The following ENPP6 variants were observed in gnomAD, a reference collection of about 807,000 sequenced individuals.
The protein encoded by ENPP6 is ectonucleotide pyrophosphatase/phosphodiesterase 6.
ENPP6 carries 32 observed loss-of-function variants against 42.0 expected under a neutral mutation model. The observed-to-expected ratio is 0.76, with a 90% confidence interval of 0.58 to 1.02. The LOEUF is 1.02. ENPP6 is among the 50% of genes least tolerant of loss of function. The pLI, the probability that ENPP6 is intolerant of heterozygous loss-of-function variation, is 0.00. For synonymous variants in ENPP6, 213 were observed against 216.0 expected (o/e 0.99, Z 0.12); for missense variants, 552 against 566.8 (o/e 0.97, Z 0.27).
rs80349873 is a variant in ENPP6, at chr4:184,199,148, A to G, written c.241+18431T>C. Among the ~76,000 whole-genome samples the G allele has an allele frequency of 5.8e-4, 89 of 152,362 alleles. 4 individuals are homozygous for G. The East Asian group carries it at 0.017, about 29-fold the overall frequency. On this transcript the variant is annotated intron_variant, in intron 1 of 7. Transcript: ENST00000296741. ...ACGCTGCTTGGAACGTCTCAGGCTA[A>G]GTGACATGGCAGCATTTTCCAGGGG... is the stretch of plus-strand genomic sequence containing the variant.
chr4:184,192,270 A>T, intron 1 of ENPP6, among the ~76,000 whole-genome samples: 1 of 152,252 alleles, frequency 6.6e-6, no homozygotes, highest in East Asian at 1.9e-4. Context: ...CACCATAAGG[A>T]TACACCTAAA....
intron 1 of ENPP6, among the ~76,000 whole-genome samples, chr4:184,162,102 T>C (rs1046950185): frequency 6.6e-6 from 1 of 152,130 alleles, no homozygotes; most frequent in Admixed American, 6.5e-5. Flanking sequence ...GCATGGTTTT[T>C]TCCTGGCCAC....
At chr4:184,209,248 C>T (rs1244697791) in intron 1 of ENPP6, among the ~76,000 whole-genome samples, 4 of 151,150 alleles carry the variant, frequency 2.6e-5, no homozygotes, top group African/African-American at 4.9e-5. Context: ...ATGACTTTGA[C>T]GAGCTGAGAG....
chr4:184,198,267 A>G (rs1352123558), intron 1 of ENPP6, among the ~76,000 whole-genome samples: 1 of 152,212 alleles, frequency 6.6e-6, no homozygotes, highest in Non-Finnish European at 1.5e-5. Context: ...ACAAACACAA[A>G]TCAATGTCTT....
In ENPP6 at chr4:184,131,995, C is replaced by A. The variant is rs1736645057; in HGVS notation, c.422-7723G>T. ...TCTGAAGGCCTGAGAACCAGGAGAACTGAGAGCAGAAGATGGATGTCCCAG... is the reference window on the plus strand; with the variant it reads ...TCTGAAGGCCTGAGAACCAGGAGAAATGAGAGCAGAAGATGGATGTCCCAG... On this transcript the variant is annotated intron_variant, in intron 2 of 7. Transcript: ENST00000296741. 2.0e-5 allele frequency among the ~76,000 whole-genome samples: 3 copies of A among 152,088 alleles called. 1 individual carries two copies. Among genetic ancestry groups the A allele is most frequent in the Non-Finnish European group, 1.5e-5 (1 of 68,032 alleles).
chr4:184,137,550 GT>G (rs1736750293), intron 2 of ENPP6, among the ~76,000 whole-genome samples: 1 of 152,186 alleles, frequency 6.6e-6, no homozygotes, highest in Admixed American at 6.5e-5. Flanking sequence ...TTATCTTCCA[GT>G]GAGCACACAG....
At chr4:184,134,444 A>T (rs1736696038) in intron 2 of ENPP6, among the ~76,000 whole-genome samples, 2 of 151,914 alleles carry the variant, frequency 1.3e-5, no homozygotes, top group African/African-American at 4.8e-5. Flanking sequence ...CCAATTTTCT[A>T]TTTCTTTTTT....
intron 1 of ENPP6, among the ~76,000 whole-genome samples, chr4:184,194,084 G>A (rs537965487): frequency 1.3e-5 from 2 of 152,086 alleles, no homozygotes; most frequent in Non-Finnish European, 2.9e-5. Context: ...CACTGAATGT[G>A]AGCATGGTCC....
rs553965090 is a variant in ENPP6, at chr4:184,167,115, T to C, written c.242-13382A>G. ...TAAAAAAAAGCACATTTAGGATAGC[T>C]TTTCTTTCTTTATTTTTTGAGACAG... On this transcript the variant is annotated intron_variant, in intron 1 of 7. Transcript: ENST00000296741. 1.8e-3 allele frequency among the ~76,000 whole-genome samples: 269 copies of C among 152,294 alleles called. 3 individuals carry two copies. The highest frequency in any genetic ancestry group is 1.6e-4 in the Non-Finnish European group (11 of 68,012).
chr4:184,127,904 G>A (rs906244302), intron 2 of ENPP6, among the ~76,000 whole-genome samples: 4 of 152,192 alleles, frequency 2.6e-5, no homozygotes, highest in African/African-American at 9.7e-5. Context: ...AACAGAAATT[G>A]GGAGAGAGTG....
At chr4:184,201,926 A>C (rs1376023802) in intron 1 of ENPP6, among the ~76,000 whole-genome samples, 1 of 149,704 alleles carries the variant, frequency 6.7e-6, no homozygotes, top group Non-Finnish European at 1.5e-5. Context: ...AAATGTTGAC[A>C]AAAGTTAATT....
At chr4:184,200,390 T>C (rs4862337) in intron 1 of ENPP6, among the ~76,000 whole-genome samples, 122,917 of 152,054 alleles carry the variant, frequency 0.81, 50,284 homozygotes, top group East Asian at 0.98. Context: ...TTACATGATC[T>C]GTGGTGCGTG....
chr4:184,149,547 G>A (rs1221347903), intron 2 of ENPP6, among the ~76,000 whole-genome samples: 1 of 152,150 alleles, frequency 6.6e-6, no homozygotes, highest in Non-Finnish European at 1.5e-5. Context: ...CTGAAGGCCT[G>A]CCCTGGGCAG....
chr4:184,099,628 C>T (rs1735966976), intron 6 of ENPP6, among the ~76,000 whole-genome samples: 1 of 152,196 alleles, frequency 6.6e-6, no homozygotes. Context: ...CAGCCATCTG[C>T]TCTCACCCCA....
At chr4:184,206,251 A>ATTCTTTTTTTTTT (rs752341794) in intron 1 of ENPP6, among the ~76,000 whole-genome samples, 2 of 93,390 alleles carry the variant, frequency 2.1e-5, no homozygotes, top group Admixed American at 1.2e-4. Context: ...GGAAGCTTGA[A>ATTCTTTTTTTTTT]TTTTTTTTTT....
intron 1 of ENPP6, among the ~76,000 whole-genome samples, chr4:184,208,252 G>A (rs1462041272): frequency 6.6e-6 from 1 of 152,134 alleles, no homozygotes; most frequent in East Asian, 1.9e-4. Flanking sequence ...TGGCCAAATA[G>A]GAACAGCTCT....
chr4:184,156,391 G>A (rs1458066430), intron 1 of ENPP6, among the ~76,000 whole-genome samples: 1 of 152,106 alleles, frequency 6.6e-6, no homozygotes, highest in African/African-American at 2.4e-5. Context: ...TTATTGCCTC[G>A]GTAAAATTGG....
rs578209753 is a variant in ENPP6 at position 184,180,889 on chromosome 4, G to C, written c.242-27156C>G. On this transcript the variant is annotated intron_variant, in intron 1 of 7. Coordinates refer to ENST00000296741, the MANE Select transcript of ENPP6 (RefSeq NM_153343.4). The stretch of plus-strand genomic sequence containing the variant: ...ATAATAAGAGCCATTTATGACAAAT[G>C]CACAGCCAATATCATACTGAATGGG... Among the ~76,000 whole-genome samples the C allele has an allele frequency of 2.6e-5, 4 of 152,194 alleles. No homozygotes were observed. In the South Asian group the frequency reaches 8.3e-4, roughly 32 times the overall value.
At chr4:184,138,384 T>G (rs1736765546) in intron 2 of ENPP6, among the ~76,000 whole-genome samples, 1 of 152,232 alleles carries the variant, frequency 6.6e-6, no homozygotes, top group South Asian at 2.1e-4. Context: ...GACAACTCAA[T>G]TAAGTTTTTC....
Sources: gnomAD v4.1 joint callset for allele counts (sites outside exome capture counted in the v4.1 genomes callset) on GRCh38, gnomAD v4.1.1 for gene constraint, MANE v1.5 for transcripts, NCBI Gene and HGNC (gene_info 2026-07-23, HGNC 2026-07-21) for gene names.